The following XKR4 variants were observed in gnomAD, a reference collection of about 807,000 sequenced individuals.
XKR4 encodes the protein XK related 4.
XKR4 carries 12 observed loss-of-function variants against 53.9 expected under a neutral mutation model. The ratio of observed to expected loss-of-function variants is 0.22; its 90% confidence interval spans 0.14 to 0.36. The LOEUF is 0.36. Among genes scored for constraint, XKR4 ranks in the 10% least tolerant of loss-of-function variants. The pLI, the probability that XKR4 is intolerant of heterozygous loss-of-function variation, is 1.00. For missense variants in XKR4, 799 were observed against 859.5 expected (o/e 0.93, Z 0.88); for synonymous variants, 354 against 362.4 (o/e 0.98, Z 0.26).
chr8:55,385,940 TTC>T (rs1804306592), intron 2 of XKR4, among the ~76,000 whole-genome samples: 1 of 152,212 alleles, frequency 6.6e-6, no homozygotes, highest in Non-Finnish European at 1.5e-5. Context: ...TTTATTTTTT[TTC>T]TGTTAATTGC....
intron 2 of XKR4, among the ~76,000 whole-genome samples, chr8:55,468,597 C>CA (rs1452752516): frequency 6.6e-6 from 1 of 152,054 alleles, no homozygotes; most frequent in East Asian, 1.9e-4. Context: ...GTGACAGAAA[C>CA]AAAATCACTT....
intron 1 of XKR4, among the ~76,000 whole-genome samples, chr8:55,180,798 G>T (rs1817300839): frequency 6.6e-6 from 1 of 152,174 alleles, no homozygotes; most frequent in African/African-American, 2.4e-5. Flanking sequence ...CTCCCAAAGT[G>T]CTGGGATTAC....
At chr8:55,236,418 T>G (rs1818127292) in intron 1 of XKR4, among the ~76,000 whole-genome samples, 1 of 152,132 alleles carries the variant, frequency 6.6e-6, no homozygotes, top group South Asian at 2.1e-4. Flanking sequence ...CTGACTCCAG[T>G]GCAATCCAGG....
At chr8:55,273,113 G>A (rs552991374) in intron 1 of XKR4, among the ~76,000 whole-genome samples, 2 of 151,366 alleles carry the variant, frequency 1.3e-5, no homozygotes, top group South Asian at 4.2e-4. Context: ...AGCATAGAAT[G>A]GAGATAATGT....
chr8:55,413,609 A>G (rs1804805183), intron 2 of XKR4, among the ~76,000 whole-genome samples: 1 of 152,164 alleles, frequency 6.6e-6, no homozygotes, highest in African/African-American at 2.4e-5. Context: ...CATCCTTTAA[A>G]TGTCCTTTAA....
At chr8:55,470,939 C>T (rs1020339431) in intron 2 of XKR4, among the ~76,000 whole-genome samples, 3 of 152,132 alleles carry the variant, frequency 2.0e-5, no homozygotes, top group African/African-American at 2.4e-5. Flanking sequence ...ACACTATAAT[C>T]CTCACCTTGA....
At chr8:55,139,689 A>G (rs1014231965) in intron 1 of XKR4, among the ~76,000 whole-genome samples, 3 of 151,722 alleles carry the variant, frequency 2.0e-5, no homozygotes, top group African/African-American at 7.3e-5. Flanking sequence ...TTTTTTAACA[A>G]TGCTTAATTT....
chr8:55,482,459 A>C (rs1218753470), intron 2 of XKR4, among the ~76,000 whole-genome samples: 1 of 152,042 alleles, frequency 6.6e-6, no homozygotes, highest in African/African-American at 2.4e-5. Context: ...TGACGAGTTA[A>C]TGGGTGCAGC....
intron 2 of XKR4, among the ~76,000 whole-genome samples, chr8:55,422,010 C>T (rs907637008): frequency 1.3e-5 from 2 of 152,136 alleles, no homozygotes; most frequent in African/African-American, 4.8e-5. Context: ...GTATTAATGT[C>T]CCATGAGCTT....
At chr8:55,300,682 A>G (rs1019235061) in intron 1 of XKR4, among the ~76,000 whole-genome samples, 1 of 152,126 alleles carries the variant, frequency 6.6e-6, no homozygotes, top group Non-Finnish European at 1.5e-5. Context: ...AAAGGGAGAG[A>G]GTCTGCTGGC....
chr8:55,300,675 G>A (rs1045260195), intron 1 of XKR4, among the ~76,000 whole-genome samples: 2 of 152,158 alleles, frequency 1.3e-5, no homozygotes, highest in Non-Finnish European at 2.9e-5. Context: ...TAGCCCTAAA[G>A]GGAGAGAGTC....
intron 1 of XKR4, among the ~76,000 whole-genome samples, chr8:55,334,773 C>T (rs1803434795): frequency 6.6e-6 from 1 of 152,178 alleles, no homozygotes; most frequent in African/African-American, 2.4e-5. Flanking sequence ...CTGTCTTCCA[C>T]AGGAGGAAGT....
intron 1 of XKR4, among the ~76,000 whole-genome samples, chr8:55,226,231 G>A (rs16921450): frequency 0.022 from 3,381 of 152,190 alleles, 136 homozygotes; most frequent in African/African-American, 0.076. Flanking sequence ...AGGAAATGCC[G>A]GAAATGTGGT....
intron 1 of XKR4, among the ~76,000 whole-genome samples, chr8:55,224,022 A>C (rs183887506): frequency 6.6e-6 from 1 of 152,190 alleles, no homozygotes; most frequent in Non-Finnish European, 1.5e-5. Flanking sequence ...ATTTAAACCT[A>C]TTTGTCTTAC....
chr8:55,219,681 C>T (rs1235816779), intron 1 of XKR4, among the ~76,000 whole-genome samples: 3 of 152,050 alleles, frequency 2.0e-5, no homozygotes, highest in African/African-American at 2.4e-5. Context: ...GTGTTGACTC[C>T]CAGTGAAATA....
chr8:55,517,651 A>G (rs931528620), intron 2 of XKR4: 1 of 152,226 alleles, frequency 6.6e-6, no homozygotes, highest in African/African-American at 2.4e-5. Flanking sequence ...AAACGGAGAG[A>G]TGGCAGTGTG....
intron 1 of XKR4, among the ~76,000 whole-genome samples, chr8:55,111,200 GAC>G (rs1162204741): frequency 6.6e-6 from 1 of 152,170 alleles, no homozygotes; most frequent in Non-Finnish European, 1.5e-5. Flanking sequence ...GGGTGCAGAT[GAC>G]ACATACGGCC....
chr8:55,417,717 G>A (rs1804870316), intron 2 of XKR4, among the ~76,000 whole-genome samples: 1 of 152,170 alleles, frequency 6.6e-6, no homozygotes, highest in African/African-American at 2.4e-5. Flanking sequence ...CTGTTCAGAG[G>A]TATCATCATT....
chr8:55,242,733 T>G (rs1585962188), intron 1 of XKR4, among the ~76,000 whole-genome samples: 1 of 151,884 alleles, frequency 6.6e-6, no homozygotes, highest in Non-Finnish European at 1.5e-5. Flanking sequence ...AGAAGGCAGT[T>G]GGCAGGGAGC....
Sources: allele counts gnomAD v4.1 joint callset (sites outside exome capture counted in the v4.1 genomes callset), GRCh38; gene constraint gnomAD v4.1.1; transcripts MANE v1.5; gene names NCBI Gene and HGNC (gene_info 2026-07-23, HGNC 2026-07-21).